Variants in PRKG1 observed in about 807,000 individuals in gnomAD.
PRKG1 encodes the protein protein kinase cGMP-dependent 1, also known as cGMP-dependent protein kinase 1.
PRKG1 carries 35 observed loss-of-function variants against 88.1 expected under a neutral mutation model. That is an observed-to-expected ratio of 0.40 (90% CI 0.30 to 0.53). The LOEUF (loss-of-function observed/expected upper bound fraction) is 0.53, where lower values mean the gene tolerates loss of function less well. Ranked by LOEUF, PRKG1 falls within the 20% of genes least tolerant of loss-of-function variation. PRKG1 has a pLI of 0.59. For synonymous variants in PRKG1, 303 were observed against 292.5 expected, an observed-to-expected ratio of 1.04 and a Z score of -0.37; for missense variants, 540 against 839.8, an observed-to-expected ratio of 0.64 and a Z score of 4.41.
intron 1 of PRKG1, among the ~76,000 whole-genome samples, chr10:50,999,611 A>C (rs1264045043): frequency 1.3e-5 from 2 of 152,202 alleles, no homozygotes; most frequent in African/African-American, 4.8e-5. Flanking sequence ...GGGTTCTAAA[A>C]ATAATTGTAT....
chr10:51,941,550 C>G (rs1485965756), intron 5 of PRKG1, among the ~76,000 whole-genome samples: 1 of 151,726 alleles, frequency 6.6e-6, no homozygotes. Context: ...GTGCTGCACC[C>G]ATTAACTCGT....
At chr10:51,132,471 C>CGAA (rs1845589328) in intron 1 of PRKG1, among the ~76,000 whole-genome samples, 1 of 151,998 alleles carries the variant, frequency 6.6e-6, no homozygotes, top group Non-Finnish European at 1.5e-5. Context: ...CAAATGTCAT[C>CGAA]ATAAGGCTAT....
intron 3 of PRKG1, among the ~76,000 whole-genome samples, chr10:51,761,897 A>T (rs1309649529): frequency 6.6e-6 from 1 of 152,206 alleles, no homozygotes; most frequent in Non-Finnish European, 1.5e-5. Flanking sequence ...ATTGTGGATT[A>T]TGTTTTTAAA....
At chr10:51,392,852 C>T (rs1369778590) in intron 2 of PRKG1, among the ~76,000 whole-genome samples, 4 of 145,392 alleles carry the variant, frequency 2.8e-5, no homozygotes, top group South Asian at 2.2e-4. Flanking sequence ...GCTGGCCGGG[C>T]TGGGGGCTGA....
chr10:51,264,462 A>G (rs183098229), intron 2 of PRKG1, among the ~76,000 whole-genome samples: 1 of 152,332 alleles, frequency 6.6e-6, no homozygotes, highest in Non-Finnish European at 1.5e-5. Flanking sequence ...AAATAATAAT[A>G]TGTGTATGTA....
At chr10:52,140,973 C>G (rs192268469) in intron 8 of PRKG1, among the ~76,000 whole-genome samples, 2 of 152,284 alleles carry the variant, frequency 1.3e-5, no homozygotes, top group Non-Finnish European at 2.9e-5. Flanking sequence ...ACAGCCTCAG[C>G]CTTTCCTACA....
intron 2 of PRKG1, among the ~76,000 whole-genome samples, chr10:51,362,909 G>C (rs1442498590): frequency 1.3e-5 from 2 of 151,750 alleles, no homozygotes; most frequent in Non-Finnish European, 2.9e-5. Flanking sequence ...TTAGTTTGCT[G>C]AGCCTTCTTT....
chr10:51,944,580 T>TAA (rs1388833284), intron 5 of PRKG1, among the ~76,000 whole-genome samples: 4 of 152,150 alleles, frequency 2.6e-5, no homozygotes, highest in Non-Finnish European at 4.4e-5. Context: ...CTGCTTTCTC[T>TAA]TGTGGGCATT....
intron 9 of PRKG1, among the ~76,000 whole-genome samples, chr10:52,170,475 A>C (rs1320870088): frequency 1.3e-5 from 2 of 152,146 alleles, no homozygotes; most frequent in African/African-American, 4.8e-5. Flanking sequence ...GACAAGAGAG[A>C]GATGCACAAA....
At chr10:51,725,138 G>A (rs1458930424) in intron 3 of PRKG1, among the ~76,000 whole-genome samples, 1 of 152,118 alleles carries the variant, frequency 6.6e-6, no homozygotes, top group Admixed American at 6.5e-5. Flanking sequence ...TTGGAATTAG[G>A]TACAATCAAG....
chr10:51,081,127 G>T (rs949370289), intron 1 of PRKG1, among the ~76,000 whole-genome samples: 16 of 152,044 alleles, frequency 1.1e-4, no homozygotes, highest in Admixed American at 2.6e-4. Context: ...ATTCCTTCTG[G>T]AGGCTCTAGG....
At chr10:51,902,262 A>G (rs1841996988) in intron 4 of PRKG1, among the ~76,000 whole-genome samples, 1 of 151,934 alleles carries the variant, frequency 6.6e-6, no homozygotes, top group African/African-American at 2.4e-5. Flanking sequence ...GATTACAGGC[A>G]TGTGCCACCA....
chr10:51,468,880 C>G (rs1460434833), intron 3 of PRKG1, among the ~76,000 whole-genome samples: 1 of 151,758 alleles, frequency 6.6e-6, no homozygotes, highest in Non-Finnish European at 1.5e-5. Flanking sequence ...AATGCACGGC[C>G]AACTGGAGTC....
intron 1 of PRKG1, among the ~76,000 whole-genome samples, chr10:51,036,075 A>T (rs776943333): frequency 1.4e-4 from 22 of 152,152 alleles, no homozygotes; most frequent in Non-Finnish European, 2.6e-4. Context: ...TATTGAAATC[A>T]CTGTAGTTAA....
chr10:52,157,688 T>G (rs187523982), intron 8 of PRKG1, among the ~76,000 whole-genome samples: 244 of 151,630 alleles, frequency 1.6e-3, no homozygotes, highest in Non-Finnish European at 6.2e-4. Flanking sequence ...AAGGACAATT[T>G]CTTTAAATGT....
chr10:52,060,091 G>T (rs745947681), intron 6 of PRKG1, among the ~76,000 whole-genome samples: 13 of 151,798 alleles, frequency 8.6e-5, no homozygotes, highest in Non-Finnish European at 1.0e-4. Flanking sequence ...CTGAAAACTG[G>T]ACAAATATGT....
intron 9 of PRKG1, among the ~76,000 whole-genome samples, chr10:52,180,786 T>G (rs956891855): frequency 1.3e-5 from 2 of 152,130 alleles, no homozygotes; most frequent in Non-Finnish European, 2.9e-5. Context: ...GTTGGCCAAT[T>G]TGAGGTCCGG....
At chr10:51,807,098 G>C (rs910810170) in intron 4 of PRKG1, among the ~76,000 whole-genome samples, 2 of 152,146 alleles carry the variant, frequency 1.3e-5, no homozygotes, top group Non-Finnish European at 1.5e-5. Context: ...ACTATAAGCT[G>C]TTTAGAACTA....
At chr10:52,156,937 T>C (rs1838124371) in intron 8 of PRKG1, among the ~76,000 whole-genome samples, 1 of 151,726 alleles carries the variant, frequency 6.6e-6, no homozygotes, top group Non-Finnish European at 1.5e-5. Context: ...CCAAGCATTC[T>C]GATAATACCT....
Sources: gnomAD v4.1 joint callset for allele counts (sites outside exome capture counted in the v4.1 genomes callset) on GRCh38, gnomAD v4.1.1 for gene constraint, MANE v1.5 for transcripts, NCBI Gene and HGNC (gene_info 2026-07-23, HGNC 2026-07-21) for gene names.